CHAF1A: variants seen among roughly 807,000 people sequenced by gnomAD.
CHAF1A encodes the protein CAF-1 subunit A.
CHAF1A carries 5 observed loss-of-function variants against 93.2 expected under a neutral mutation model. The ratio of observed to expected loss-of-function variants is 0.05; its 90% CI spans 0.03 to 0.11. The LOEUF is 0.11. Ranked by LOEUF, CHAF1A falls within the 10% of genes least tolerant of loss-of-function variation. The pLI, the probability that CHAF1A is intolerant of heterozygous loss-of-function variation, is 1.00. For synonymous variants in CHAF1A, 504 were observed against 510.3 expected (o/e 0.99, Z 0.17); for missense variants, 1,102 against 1,259.9 (o/e 0.87, Z 1.90).
At chr19:4,442,425 A>G in intron 14 of CHAF1A, 84 bp downstream of exon 14, 3 of 1,138,832 alleles carry the variant, frequency 2.6e-6, no homozygotes, top group South Asian at 1.4e-5. Flanking sequence ...GGGGCTGCCT[A>G]AGACTAGCTC....
intron 3 of CHAF1A, 128 bp downstream of exon 3, chr19:4,409,887 G>A (rs765977849): frequency 4.9e-6 from 5 of 1,030,408 alleles, no homozygotes; most frequent in Non-Finnish European, 5.6e-6. Flanking sequence ...CCTGGGACTC[G>A]ACGTGGAGTT....
At chr19:4,412,565 G>A (rs1461010220) in intron 3 of CHAF1A, among the ~76,000 whole-genome samples, 1 of 151,994 alleles carries the variant, frequency 6.6e-6, no homozygotes, top group Non-Finnish European at 1.5e-5. Context: ...AAAAGGACAG[G>A]ACACAAGCAC....
In CHAF1A at chr19:4,441,055, C is replaced by T. The variant is rs181838066; in HGVS notation, c.2674-1190C>T. On this transcript the variant is annotated intron_variant, in intron 13 of 14. Transcript: ENST00000301280. ...TCGTTGCGGCTGGGGCAGTGGCTCA[C>T]GCCTGTAATCCCAGCACTTTGGGAG... Among the ~76,000 whole-genome samples, 154 of 150,138 alleles carry T rather than the reference C, an allele frequency of 1.0e-3. 3 individuals are homozygous for T. Among genetic ancestry groups the T allele is most frequent in the Admixed American group, 0.01 (152 of 15,106 alleles).
At chr19:4,428,018 CT>C (rs1411917898) in intron 7 of CHAF1A, among the ~76,000 whole-genome samples, 4 of 151,552 alleles carry the variant, frequency 2.6e-5, no homozygotes, top group Non-Finnish European at 5.9e-5. Context: ...GCCACTGCCC[CT>C]GGCCTAATTT....
In CHAF1A at chr19:4,429,802, C is replaced by G. The variant is rs556761708; in HGVS notation, c.1854+14C>G. On this transcript the variant is annotated intron_variant, in intron 10 of 14. Transcript: ENST00000301280. The stretch of plus-strand genomic sequence containing the variant: ...CACAGTGAGGGGGTAAGGATGTGCC[C>G]CAGCTGTCTTCACTCACAGACGGCT... 43 of 1,605,418 alleles carry G rather than the reference C, an allele frequency of 2.7e-5. 1 individual carries two copies. In the South Asian group the frequency reaches 4.1e-4, roughly 15 times the overall value.
intron 12 of CHAF1A, among the ~76,000 whole-genome samples, chr19:4,432,447 T>C (rs62130979): frequency 0.18 from 27,145 of 151,038 alleles, 2,990 homozygotes; most frequent in Admixed American, 0.26. Flanking sequence ...AGTGCTGGAG[T>C]GGGGGCTGTG....
chr19:4,419,159 C>T (rs1973947946), intron 4 of CHAF1A, among the ~76,000 whole-genome samples: 1 of 150,510 alleles, frequency 6.6e-6, no homozygotes, highest in Non-Finnish European at 1.5e-5. Context: ...GGATTACAGG[C>T]CTGAGCCACT....
downstream of CHAF1A, chr19:4,447,102 G>T (rs1974549369): frequency 3.2e-6 from 2 of 628,310 alleles, no homozygotes; most frequent in Admixed American, 2.9e-5. Context: ...GGGGGCTGTG[G>T]AGTCTCCAAC....
intron 3 of CHAF1A, among the ~76,000 whole-genome samples, chr19:4,413,967 G>A (rs1310819781): frequency 6.6e-6 from 1 of 152,220 alleles, no homozygotes; most frequent in East Asian, 1.9e-4. Context: ...TCTTCTGTTA[G>A]TGATCGAGAT....
intron 4 of CHAF1A, among the ~76,000 whole-genome samples, chr19:4,419,300 A>AG (rs1260277943): frequency 2.6e-5 from 4 of 152,208 alleles, no homozygotes; most frequent in Non-Finnish European, 5.9e-5. Flanking sequence ...AGCTCACAGG[A>AG]GGGGCCTGGT....
chr19:4,442,215 T>G, intron 13 of CHAF1A, 30 bp from the exon 14 acceptor site: 2 of 1,602,438 alleles, frequency 1.2e-6, no homozygotes, highest in African/African-American at 2.7e-5. Context: ...CTGCCTGCAG[T>G]GCTGATGGCC....
At chr19:4,446,936 G>A (rs1974544828), downstream of CHAF1A, 1 of 1,612,676 alleles carries the variant, frequency 6.2e-7, no homozygotes. Context: ...GGTGGAGATG[G>A]GCGTCACTGG....
downstream of CHAF1A, chr19:4,447,492 T>G (rs1974559382): frequency 6.3e-7 from 1 of 1,597,088 alleles, no homozygotes; most frequent in Non-Finnish European, 8.6e-7. Context: ...CACCGGCTCC[T>G]GCAGGCCAGC....
intron 1 of CHAF1A, among the ~76,000 whole-genome samples, chr19:4,403,694 A>G (rs2145054075): frequency 6.6e-6 from 1 of 152,378 alleles, no homozygotes; most frequent in South Asian, 2.1e-4. Context: ...AGTAACAGCC[A>G]GAAATACCAT....
chr19:4,414,402 AAAAAAAAAAC>A (rs371753870), intron 3 of CHAF1A, among the ~76,000 whole-genome samples: 7 of 151,832 alleles, frequency 4.6e-5, no homozygotes, highest in African/African-American at 1.7e-4. Flanking sequence ...GTCTCAAAAA[AAAAAAAAAAC>A]AAAAAGGAAA....
chr19:4,408,435 G>A (rs1454844230), intron 2 of CHAF1A, among the ~76,000 whole-genome samples: 2 of 132,670 alleles, frequency 1.5e-5, no homozygotes, highest in East Asian at 2.3e-4. Context: ...CTTGTGATCC[G>A]CCTGCCTTGG....
At chr19:4,432,995 A>C in intron 12 of CHAF1A, 75 bp from the exon 13 acceptor site, 4 of 1,172,826 alleles carry the variant, frequency 3.4e-6, no homozygotes, top group African/African-American at 1.5e-5. Context: ...GAGCTTGTGT[A>C]TGTGTTTTGT....
At chr19:4,403,206 C>T (rs1973617921) in intron 1 of CHAF1A, among the ~76,000 whole-genome samples, 1 of 147,544 alleles carries the variant, frequency 6.8e-6, no homozygotes, top group African/African-American at 2.5e-5. Context: ...AACTGAGGCC[C>T]AAGGTCGCAC....
In CHAF1A at chr19:4,442,315, T is replaced by TGATCGTGGATGTCCCG; in HGVS notation, c.2748_2763dup (p.Ala922ArgfsTer61). 2 of 1,607,432 alleles carry TGATCGTGGATGTCCCG rather than the reference T, an allele frequency of 1.2e-6. No homozygotes were observed. The highest frequency in any genetic ancestry group is 1.7e-6 in the Non-Finnish European group (2 of 1,176,532). ...GAGGAAGAGGAGGAGGGCGACTGTATGATCGTGGATGTCCCGGATGCTGCG... is the reference window on the plus strand; with the variant it reads ...GAGGAAGAGGAGGAGGGCGACTGTATGATCGTGGATGTCCCGGATCGTGGATGTCCCGGATGCTGCG... On this transcript the variant is annotated frameshift_variant, in exon 14 of 15. Transcript: ENST00000301280. LOFTEE classifies it low-confidence loss of function (END_TRUNC).
Sources: allele counts gnomAD v4.1 joint callset (sites outside exome capture counted in the v4.1 genomes callset), GRCh38; gene constraint gnomAD v4.1.1; transcripts MANE v1.5; gene names NCBI Gene and HGNC (gene_info 2026-07-23, HGNC 2026-07-21).